Variants in ABCG8 observed in about 807,000 individuals in gnomAD.
The protein encoded by ABCG8 is ATP-binding cassette sub-family G member 8.
A neutral mutation model predicts 71.3 loss-of-function variants in ABCG8; 81 were observed. That is an observed-to-expected ratio of 1.14 (90% CI 0.95 to 1.37). The LOEUF is 1.37. ABCG8 is among the 40% of genes most tolerant of loss of function. The probability of loss-of-function intolerance (pLI) is 0.00; values close to 1 mark genes in which losing one functional copy is unlikely to be tolerated. For synonymous variants in ABCG8, 451 were observed against 354.7 expected, an observed-to-expected ratio of 1.27 and a Z score of -3.05; for missense variants, 1,119 against 866.2, an observed-to-expected ratio of 1.29 and a Z score of -3.66.
intron 6 of ABCG8, among the ~76,000 whole-genome samples, chr2:43,867,508 T>G (rs2104939556): frequency 6.6e-6 from 1 of 152,092 alleles, no homozygotes; most frequent in Non-Finnish European, 1.5e-5. Flanking sequence ...GATAGAACTG[T>G]CACTATCTGG....
At chr2:43,842,415 C>G (rs77624036) in intron 1 of ABCG8, among the ~76,000 whole-genome samples, 5,263 of 152,172 alleles carry the variant, frequency 0.035, 313 homozygotes, top group African/African-American at 0.12. Context: ...GGGGCAAGGC[C>G]GAAGGGCTGA....
rs1572868245 is a variant in ABCG8, at chr2:43,875,353, C to G, written c.1696C>G (p.Leu566Val). 1 of 1,614,160 alleles carries G rather than the reference C, an allele frequency of 6.2e-7. No homozygotes were observed. The highest frequency in any genetic ancestry group is 8.5e-7 in the Non-Finnish European group (1 of 1,180,052). ...FHMASFFSNA[L>V]YNSFYLAGGF... ...CATGGCCTCCTTCTTCAGCAATGCC[C>G]TCTACAACTCCTTCTACCTCGCCGG... Residue 566 changes from leucine (L) to valine (V), a missense_variant, in exon 11 of 13, where the codon CTC becomes GTC. Transcript: ENST00000272286.
chr2:43,876,176 C>T (rs1391382712), intron 11 of ABCG8, among the ~76,000 whole-genome samples: 1 of 152,222 alleles, frequency 6.6e-6, no homozygotes, highest in Non-Finnish European at 1.5e-5. Context: ...TGCCTCATCA[C>T]ATCCCTCTCG....
At position 43,880,052 on chromosome 2, in the gene ABCG8, T is replaced by C. The variant is rs1318813371; in HGVS notation, c.*2139T>C. The C allele has an allele frequency of 6.6e-6, 1 of 152,224 alleles. No homozygotes were observed. The highest frequency in any genetic ancestry group is 1.9e-4 in the East Asian group (1 of 5,204). The allele number at this position is 152,224 out of a possible 1,614,324, so 9.4% of individuals were successfully genotyped here. ...CCTTTATTATTGTGATTAATTCTGATGCTCAGCTTGTCCCTGATTTGGCCA... is the reference window on the plus strand; with the variant it reads ...CCTTTATTATTGTGATTAATTCTGACGCTCAGCTTGTCCCTGATTTGGCCA... On this transcript the variant is annotated 3_prime_UTR_variant, in exon 13 of 13. Coordinates refer to ENST00000272286, the MANE Select transcript of ABCG8 (RefSeq NM_022437.3).
intron 6 of ABCG8, among the ~76,000 whole-genome samples, chr2:43,863,260 G>C (rs1432221630): frequency 6.6e-6 from 1 of 151,298 alleles, no homozygotes; most frequent in East Asian, 1.9e-4. Flanking sequence ...CATCGGGATA[G>C]AATTCTCACT....
At chr2:43,851,904 T>C in intron 4 of ABCG8, 82 bp downstream of exon 4, 1 of 1,478,814 alleles carries the variant, frequency 6.8e-7, no homozygotes, top group Non-Finnish European at 9.4e-7. Context: ...CTGCCTTGCC[T>C]CAGGACCCAG....
chr2:43,872,123 A>G lies in ABCG8; in HGVS notation c.1112A>G (p.Asp371Gly). 1 of 1,614,100 alleles carries G rather than the reference A, an allele frequency of 6.2e-7. No homozygotes were observed. The highest frequency in any genetic ancestry group is 8.5e-7 in the Non-Finnish European group (1 of 1,180,010). ...GCAGAGACGAAGGATCTTGACGAGG[A>G]CACCTGTGTGGAAAGGTAAGGTGGC... The part of the protein sequence containing the change: ...WKAETKDLDE[D>G]TCVESSVTPL... Residue 371 changes from aspartate (D) to glycine (G), a missense_variant, in exon 7 of 13, where the codon GAC (aspartate) becomes GGC (glycine). Coordinates refer to ENST00000272286, the MANE Select transcript of ABCG8 (RefSeq NM_022437.3).
chr2:43,842,040 G>A (rs1011038498), intron 1 of ABCG8, among the ~76,000 whole-genome samples: 3 of 151,176 alleles, frequency 2.0e-5, no homozygotes, highest in South Asian at 2.1e-4. Context: ...AGAGTCTCAC[G>A]CTGTGGCCCA....
chr2:43,843,889 C>T (rs1287526196), intron 1 of ABCG8, among the ~76,000 whole-genome samples: 2 of 152,128 alleles, frequency 1.3e-5, no homozygotes, highest in Non-Finnish European at 2.9e-5. Flanking sequence ...TCAAAGCTCC[C>T]AGCAGCATTT....
At chr2:43,868,404 C>T (rs557364971) in intron 6 of ABCG8, among the ~76,000 whole-genome samples, 18 of 150,862 alleles carry the variant, frequency 1.2e-4, no homozygotes, top group Non-Finnish European at 8.9e-5. Flanking sequence ...ATAGAACTCT[C>T]ACTATCTTTC....
At chr2:43,841,121 A>G (rs1668569671) in intron 1 of ABCG8, among the ~76,000 whole-genome samples, 1 of 152,242 alleles carries the variant, frequency 6.6e-6, no homozygotes. Context: ...TTCTTCAGCC[A>G]GGAACAAGTC....
rs184632639 is a variant in ABCG8, at chr2:43,882,238, C to T, written c.*4325C>T. On this transcript the variant is annotated 3_prime_UTR_variant, in exon 13 of 13. Transcript: ENST00000272286. ...TAAACCAGTCTACAGAGGTAGATCT[C>T]GCATTTGCTTTTGTTTTCTTCTACT... The T allele has an allele frequency of 6.6e-6, 1 of 152,154 alleles. No homozygotes were observed. Among genetic ancestry groups the T allele is most frequent in the Admixed American group, 6.5e-5 (1 of 15,280 alleles). 9.4% of individuals were successfully genotyped at this position (152,154 alleles called of 1,614,324 possible). A position where few individuals can be genotyped will look rare whatever the true frequency, so the allele number is the denominator to read the frequency against.
At chr2:43,865,080 A>C (rs920670273) in intron 6 of ABCG8, among the ~76,000 whole-genome samples, 20 of 151,842 alleles carry the variant, frequency 1.3e-4, no homozygotes, top group Admixed American at 1.2e-3. Context: ...ATCTGTCTGG[A>C]TAGAATTCTC....
At chr2:43,866,059 A>T (rs1442933562) in intron 6 of ABCG8, among the ~76,000 whole-genome samples, 1 of 152,084 alleles carries the variant, frequency 6.6e-6, no homozygotes, top group Non-Finnish European at 1.5e-5. Flanking sequence ...CAACTATCTG[A>T]TCTTTGACAA....
chr2:43,854,232 A>C (rs767821801), intron 6 of ABCG8, among the ~76,000 whole-genome samples: 3 of 152,232 alleles, frequency 2.0e-5, no homozygotes, highest in Admixed American at 6.5e-5. Flanking sequence ...TGGGTTACCC[A>C]AAAATCTGAT....
At chr2:43,871,436 A>T (rs886536894) in intron 6 of ABCG8, among the ~76,000 whole-genome samples, 1 of 151,906 alleles carries the variant, frequency 6.6e-6, no homozygotes, top group African/African-American at 2.4e-5. Flanking sequence ...GTCTATCTGG[A>T]TAGAACTCTC....
rs957512664 is a variant in ABCG8 at position 43,880,657 on chromosome 2, T to G, written c.*2744T>G. 2.3e-4 allele frequency: 35 copies of G among 152,176 alleles called. No homozygotes were observed. The highest frequency in any genetic ancestry group is 7.5e-4 in the African/African-American group (31 of 41,346). The allele number at this position is 152,176 out of a possible 1,614,324, so 9.4% of individuals were successfully genotyped here. ...AGTGAACAGAGTTAGGGAGTGTGTG[T>G]GTGTGTGCGCGCGCGCGCGCGCATG... On this transcript the variant is annotated 3_prime_UTR_variant, in exon 13 of 13. Transcript: ENST00000272286.
intron 6 of ABCG8, among the ~76,000 whole-genome samples, chr2:43,859,090 C>G (rs1669214110): frequency 6.6e-6 from 1 of 150,892 alleles, no homozygotes; most frequent in Non-Finnish European, 1.5e-5. Context: ...AACTGTCACT[C>G]TCAGAACTTT....
intron 4 of ABCG8, 118 bp downstream of exon 4, chr2:43,851,940 G>C: frequency 8.3e-7 from 1 of 1,204,840 alleles, no homozygotes; most frequent in Non-Finnish European, 1.2e-6. Context: ...GAACAACTCA[G>C]CTTGCCTTCC....
Sources: gnomAD v4.1 joint callset for allele counts (sites outside exome capture counted in the v4.1 genomes callset) on GRCh38, gnomAD v4.1.1 for gene constraint, MANE v1.5 for transcripts, NCBI Gene and HGNC (gene_info 2026-07-23, HGNC 2026-07-21) for gene names.